The following DDHD1 variants were observed in gnomAD, a reference collection of about 807,000 sequenced individuals.
The protein encoded by DDHD1 is phospholipase DDHD1.
In DDHD1, 49 loss-of-function variants were observed where a neutral mutation model predicts 96.4. That is an observed-to-expected ratio of 0.51 (90% CI 0.40 to 0.64). DDHD1 has a LOEUF of 0.64. Among genes scored for constraint, DDHD1 ranks in the 30% least tolerant of loss-of-function variants. DDHD1 has a pLI of 0.00. For missense variants in DDHD1, 1,106 were observed against 1,161.2 expected (o/e 0.95, Z 0.69); for synonymous variants, 442 against 446.5 (o/e 0.99, Z 0.13).
At chr14:53,077,936 C>T (rs1319448827) in intron 4 of DDHD1, among the ~76,000 whole-genome samples, 2 of 152,042 alleles carry the variant, frequency 1.3e-5, no homozygotes, top group African/African-American at 4.8e-5. Flanking sequence ...CAAGTCTCAT[C>T]CATGTTGCAT....
chr14:53,063,835 T>TTAGA (rs1425680501), intron 6 of DDHD1, among the ~76,000 whole-genome samples: 2 of 152,084 alleles, frequency 1.3e-5, no homozygotes, highest in African/African-American at 2.4e-5. Context: ...TATTTTAAGT[T>TTAGA]TAGAGGTTAA....
At chr14:53,078,985 T>G (rs1885202557) in intron 4 of DDHD1, among the ~76,000 whole-genome samples, 1 of 152,172 alleles carries the variant, frequency 6.6e-6, no homozygotes, top group Admixed American at 6.5e-5. Flanking sequence ...TTTCCTTCAT[T>G]CTACACATGT....
chr14:53,070,076 A>G (rs1238216978), intron 6 of DDHD1, among the ~76,000 whole-genome samples: 1 of 152,198 alleles, frequency 6.6e-6, no homozygotes, highest in African/African-American at 2.4e-5. Context: ...GCCAACAGCC[A>G]GAGCTCTGAG....
chr14:53,045,751 C>T lies in DDHD1; in HGVS notation c.*1017G>A, dbSNP rs562693563. 10 of 152,286 alleles carry T rather than the reference C, an allele frequency of 6.6e-5. No homozygotes were observed. In the South Asian group the frequency reaches 2.1e-3, roughly 32 times the overall value. The allele number at this position is 152,286 out of a possible 1,614,324, so 9.4% of individuals were successfully genotyped here. On this transcript the variant is annotated 3_prime_UTR_variant, in exon 13 of 13. Coordinates refer to ENST00000673822, the MANE Select transcript of DDHD1 (RefSeq NM_001160148.2). ...CCCTTCCAATGCCTCAGAATCCTGA[C>T]TTACTGTGCCTTGTGTCTCAATGGC...
chr14:53,085,965 T>C (rs1484531233), intron 4 of DDHD1, among the ~76,000 whole-genome samples: 1 of 152,164 alleles, frequency 6.6e-6, no homozygotes, highest in Non-Finnish European at 1.5e-5. Flanking sequence ...AATGACCTGA[T>C]GGAGCTGAAA....
At position 53,078,003 on chromosome 14, in the gene DDHD1, C is replaced by T. The variant is rs140447253; in HGVS notation, c.1290-4156G>A. Among the ~76,000 whole-genome samples the T allele has an allele frequency of 2.6e-3, 402 of 152,176 alleles. 2 individuals are homozygous for T. The highest frequency in any genetic ancestry group is 8.1e-3 in the African/African-American group (335 of 41,542). ...TGAATAGTATTTCATTATATGGATA[C>T]GCCACTTTTGTTTAGCCGCTCATCA... is the stretch of plus-strand genomic sequence containing the variant. On this transcript the variant is annotated intron_variant, in intron 4 of 12. Coordinates refer to ENST00000673822, the MANE Select transcript of DDHD1 (RefSeq NM_001160148.2).
chr14:53,073,487 C>CAG (rs1454616305), intron 5 of DDHD1, among the ~76,000 whole-genome samples: 4 of 151,968 alleles, frequency 2.6e-5, no homozygotes, highest in Non-Finnish European at 5.9e-5. Flanking sequence ...TGCCACAATC[C>CAG]AGAGGGCATG....
intron 2 of DDHD1, among the ~76,000 whole-genome samples, chr14:53,094,318 T>C (rs1481889193): frequency 2.6e-5 from 4 of 152,242 alleles, no homozygotes; most frequent in Admixed American, 6.5e-5. Flanking sequence ...CAATAATTAT[T>C]GGATATTGCT....
At chr14:53,124,631 A>G (rs1889294983) in intron 1 of DDHD1, among the ~76,000 whole-genome samples, 1 of 152,224 alleles carries the variant, frequency 6.6e-6, no homozygotes, top group African/African-American at 2.4e-5. Context: ...GAGGTAAAGA[A>G]TTCCGGACAA....
intron 1 of DDHD1, among the ~76,000 whole-genome samples, chr14:53,134,223 A>C (rs574174783): frequency 2.6e-5 from 4 of 151,980 alleles, no homozygotes; most frequent in Non-Finnish European, 5.9e-5. Context: ...CACCATTCTC[A>C]ACTACTCGTA....
At chr14:53,059,515 G>C (rs937860687) in intron 8 of DDHD1, among the ~76,000 whole-genome samples, 1 of 150,824 alleles carries the variant, frequency 6.6e-6, no homozygotes, top group Non-Finnish European at 1.5e-5. Context: ...AAAGTGCTGG[G>C]ATTACAGGTG....
At chr14:53,082,094 A>G (rs1344097246) in intron 4 of DDHD1, among the ~76,000 whole-genome samples, 1 of 152,244 alleles carries the variant, frequency 6.6e-6, no homozygotes, top group Non-Finnish European at 1.5e-5. Context: ...GAATGATTAA[A>G]CAATATTATA....
chr14:53,152,918 C>A lies in DDHD1; in HGVS notation c.181G>T (p.Gly61Trp), dbSNP rs568294049. The change falls in exon 1 of 13, where the codon GGG (glycine) becomes TGG (tryptophan). Residue 61 changes from glycine (G) to tryptophan (W), a missense_variant. By Grantham distance (184) the Gly-to-Trp change is radical (BLOSUM62 -2). Around this residue, in one of 2 missense-constraint regions of DDHD1, gnomAD observed 456 missense variants for 402.4 expected, o/e 1.13. Transcript: ENST00000673822. ...DGDVPLALLR[G>W]EPGLHLAPGT... ...GGCGCCAAATGCAGCCCGGGTTCCC[C>A]GCGCAGCAGGGCCAGGGGCACGTCG... 6 of 1,607,458 alleles carry A rather than the reference C, an allele frequency of 3.7e-6. No individual in the cohort carries two copies. Among genetic ancestry groups the A allele is most frequent in the East Asian group, 4.5e-5 (2 of 44,416 alleles).
chr14:53,038,364 T>C lies in DDHD1; in HGVS notation c.*8404A>G, dbSNP rs1185472328. On this transcript the variant is annotated 3_prime_UTR_variant, in exon 13 of 13. Coordinates refer to ENST00000673822, the MANE Select transcript of DDHD1 (RefSeq NM_001160148.2). ...TGCACAAAAATTAGGAGCATTTCTA[T>C]ACACCAATAACGTTCAAGCTGAGAG... 3 of 152,146 alleles carry C rather than the reference T, an allele frequency of 2.0e-5. No individual in the cohort carries two copies. Among genetic ancestry groups the C allele is most frequent in the African/African-American group, 7.2e-5 (3 of 41,428 alleles). 9.4% of individuals were successfully genotyped at this position (152,146 alleles called of 1,614,324 possible).
At chr14:53,136,045 C>T (rs1448883534) in intron 1 of DDHD1, among the ~76,000 whole-genome samples, 2 of 152,154 alleles carry the variant, frequency 1.3e-5, no homozygotes, top group Non-Finnish European at 2.9e-5. Flanking sequence ...TTCTGCCCCA[C>T]CCTAACTGAT....
At position 53,050,578 on chromosome 14, in the gene DDHD1, C is replaced by T. The variant is rs74051098; in HGVS notation, c.2521+1266G>A. On this transcript the variant is annotated intron_variant, in intron 12 of 12. Transcript: ENST00000673822. ...TTATAATTACTTATGCAGTTATCTACCTTCCCTACTAGAGTTTATGCTCTT... is the reference window on the plus strand; with the variant it reads ...TTATAATTACTTATGCAGTTATCTATCTTCCCTACTAGAGTTTATGCTCTT... Among the ~76,000 whole-genome samples the T allele has an allele frequency of 9.7e-3, 1,471 of 152,170 alleles. 19 individuals are homozygous for T. The highest frequency in any genetic ancestry group is 0.032 in the African/African-American group (1,346 of 41,516).
At chr14:53,049,327 G>A (rs1023754926) in intron 12 of DDHD1, among the ~76,000 whole-genome samples, 4 of 152,098 alleles carry the variant, frequency 2.6e-5, no homozygotes, top group Non-Finnish European at 4.4e-5. Flanking sequence ...TCAGTTTCTC[G>A]TCCTCCCTGA....
chr14:53,128,547 C>T (rs1889628188), intron 1 of DDHD1, among the ~76,000 whole-genome samples: 1 of 152,214 alleles, frequency 6.6e-6, no homozygotes, highest in African/African-American at 2.4e-5. Flanking sequence ...TCCCCAATAC[C>T]ATCACCTAGA....
chr14:53,105,878 AT>A lies in DDHD1; in HGVS notation c.839-2023del, dbSNP rs566388868. Among the ~76,000 whole-genome samples the A allele has an allele frequency of 9.9e-5, 15 of 150,786 alleles. No individual in the cohort carries two copies. In the East Asian group the frequency reaches 2.9e-3, roughly 30 times the overall value. On this transcript the variant is annotated intron_variant, in intron 1 of 12. Coordinates refer to ENST00000673822, the MANE Select transcript of DDHD1 (RefSeq NM_001160148.2). The stretch of plus-strand genomic sequence containing the variant: ...TTTTCCTTTATGTGGTATTTCTGCT[AT>A]TTTTTTATTTTTTGTACTTTCTTTT...
Sources: allele counts gnomAD v4.1 joint callset (sites outside exome capture counted in the v4.1 genomes callset), GRCh38; gene constraint gnomAD v4.1.1; regional missense constraint gnomAD v4.1.1; transcripts MANE v1.5; gene names NCBI Gene and HGNC (gene_info 2026-07-23, HGNC 2026-07-21).